ADGRL2: variants seen among roughly 807,000 people sequenced by gnomAD.
ADGRL2 encodes adhesion G protein-coupled receptor L2.
In ADGRL2, 44 loss-of-function variants were observed where a neutral mutation model predicts 157.4. That is an observed-to-expected ratio of 0.28 (90% CI 0.22 to 0.36). The LOEUF (loss-of-function observed/expected upper bound fraction) is 0.36, where lower values mean the gene tolerates loss of function less well. Among genes scored for constraint, ADGRL2 ranks in the 10% least tolerant of loss-of-function variants. The pLI, the probability that ADGRL2 is intolerant of heterozygous loss-of-function variation, is 1.00. For missense variants in ADGRL2, 1,510 were observed against 1,768.9 expected (o/e 0.85, Z 2.63); for synonymous variants, 585 against 624.7 (o/e 0.94, Z 0.95).
intron 1 of ADGRL2, among the ~76,000 whole-genome samples, chr1:81,432,816 G>A (rs1412132326): frequency 6.6e-6 from 1 of 152,132 alleles, no homozygotes; most frequent in African/African-American, 2.4e-5. Flanking sequence ...TCCCTTGGAA[G>A]GCTTGGGGCG....
At chr1:81,654,230 G>A (rs968786633) in intron 3 of ADGRL2, among the ~76,000 whole-genome samples, 1 of 152,206 alleles carries the variant, frequency 6.6e-6, no homozygotes, top group South Asian at 2.1e-4. Flanking sequence ...ACAGGCGTGA[G>A]CCACCACACC....
At chr1:81,446,382 C>T (rs562280685) in intron 2 of ADGRL2, among the ~76,000 whole-genome samples, 34 of 152,272 alleles carry the variant, frequency 2.2e-4, no homozygotes, top group Middle Eastern at 3.4e-3. Context: ...ACAGTTCTTC[C>T]AGATCACAAA....
chr1:81,952,736 C>CT lies in ADGRL2; in HGVS notation c.1795-241dup, dbSNP rs11340252. 1.4e-4 allele frequency among the ~76,000 whole-genome samples: 21 copies of CT among 149,412 alleles called. No individual in the cohort carries two copies. In the South Asian group the frequency reaches 1.7e-3, roughly 12 times the overall value. On this transcript the variant is annotated intron_variant, in intron 9 of 23. Coordinates refer to ENST00000686636, the MANE Select transcript of ADGRL2 (RefSeq NM_001366006.2). The stretch of plus-strand genomic sequence containing the variant: ...TGGTTCTACCTGGTTAAAAAATTGA[C>CT]TTTTTTTTTTACTGCAGTATATATT...
intron 3 of ADGRL2, among the ~76,000 whole-genome samples, chr1:81,593,311 G>A (rs530490962): frequency 3.9e-5 from 6 of 152,236 alleles, no homozygotes; most frequent in African/African-American, 1.4e-4. Context: ...CCCTAGAGAC[G>A]AGCTGCTTCA....
chr1:81,640,894 AC>A (rs2082206980), intron 3 of ADGRL2, among the ~76,000 whole-genome samples: 1 of 152,172 alleles, frequency 6.6e-6, no homozygotes, highest in African/African-American at 2.4e-5. Flanking sequence ...TTTAGTCCTT[AC>A]AAAAAAACAG....
At chr1:81,739,391 C>G (rs2149215816) in intron 1 of ADGRL2, among the ~76,000 whole-genome samples, 1 of 152,258 alleles carries the variant, frequency 6.6e-6, no homozygotes, top group East Asian at 1.9e-4. Context: ...AGTAATTGCC[C>G]AATAAATTAT....
intron 17 of ADGRL2, among the ~76,000 whole-genome samples, chr1:81,976,961 T>G (rs1660353648): frequency 6.6e-6 from 1 of 151,926 alleles, no homozygotes; most frequent in Non-Finnish European, 1.5e-5. Flanking sequence ...TGGATTACTT[T>G]TTATAGAAAT....
At chr1:81,308,506 G>A (rs779391455) in intron 1 of ADGRL2, among the ~76,000 whole-genome samples, 12 of 152,050 alleles carry the variant, frequency 7.9e-5, no homozygotes, top group African/African-American at 1.2e-4. Flanking sequence ...ACAAAGGAAC[G>A]CCATGTAATA....
intron 2 of ADGRL2, among the ~76,000 whole-genome samples, chr1:81,520,103 G>A (rs1221156914): frequency 6.6e-6 from 1 of 152,172 alleles, no homozygotes; most frequent in Admixed American, 6.5e-5. Flanking sequence ...GGATCATGAA[G>A]GGATTAGAAG....
chr1:81,747,717 G>T (rs1465142914), intron 1 of ADGRL2, among the ~76,000 whole-genome samples: 3 of 151,820 alleles, frequency 2.0e-5, no homozygotes, highest in African/African-American at 4.8e-5. Flanking sequence ...GTGTGTGTGT[G>T]TGTGTGTGTG....
intron 2 of ADGRL2, among the ~76,000 whole-genome samples, chr1:81,534,785 C>A (rs898868221): frequency 6.6e-6 from 1 of 152,158 alleles, no homozygotes; most frequent in Non-Finnish European, 1.5e-5. Context: ...CTGAGAGACA[C>A]CTTGCATGGC....
At chr1:81,528,432 G>A (rs1482061252) in intron 2 of ADGRL2, among the ~76,000 whole-genome samples, 2 of 151,988 alleles carry the variant, frequency 1.3e-5, no homozygotes, top group Non-Finnish European at 2.9e-5. Context: ...GGATTCAGGA[G>A]GTCAGGAGAT....
chr1:81,835,596 A>T (rs2092235407), intron 1 of ADGRL2, among the ~76,000 whole-genome samples: 2 of 152,006 alleles, frequency 1.3e-5, no homozygotes, highest in African/African-American at 4.8e-5. Flanking sequence ...TTAATTTTGG[A>T]TACATCATTC....
chr1:81,480,460 C>T (rs879268367), intron 2 of ADGRL2, among the ~76,000 whole-genome samples: 20 of 152,076 alleles, frequency 1.3e-4, no homozygotes, highest in Admixed American at 1.3e-4. Flanking sequence ...TTTGACAGTT[C>T]GTCCTGAAGC....
rs78410946 is a variant in ADGRL2 at position 81,454,254 on chromosome 1, T to A, written c.-248+9165T>A. Among the ~76,000 whole-genome samples the A allele has an allele frequency of 9.4e-3, 1,424 of 152,218 alleles. 35 individuals carry two copies. The highest frequency in any genetic ancestry group is 0.057 in the Admixed American group (869 of 15,276). ...CTTGTGACTTAATCTTATTAAAACC[T>A]TGTCATGCAAATGTAGCGTGAAGAT... On this transcript the variant is annotated intron_variant, in intron 2 of 24. Transcript: ENST00000370721.
At chr1:81,335,346 A>C (rs1661558805) in intron 1 of ADGRL2, among the ~76,000 whole-genome samples, 1 of 152,210 alleles carries the variant, frequency 6.6e-6, no homozygotes. Flanking sequence ...ATTTAAAATC[A>C]TATTGCCAGA....
chr1:81,894,552 T>C (rs1409002505), intron 2 of ADGRL2, among the ~76,000 whole-genome samples: 3 of 152,156 alleles, frequency 2.0e-5, no homozygotes, highest in Non-Finnish European at 4.4e-5. Context: ...TCTTCAGTTA[T>C]TAAAAAAGAG....
At chr1:81,527,704 T>C (rs2079496046) in intron 2 of ADGRL2, among the ~76,000 whole-genome samples, 1 of 149,296 alleles carries the variant, frequency 6.7e-6, no homozygotes, top group African/African-American at 2.5e-5. Context: ...AGAGCAAAAC[T>C]CTGCCTCAAA....
At chr1:81,549,204 T>A (rs1269454951) in intron 2 of ADGRL2, among the ~76,000 whole-genome samples, 1 of 152,208 alleles carries the variant, frequency 6.6e-6, no homozygotes, top group Non-Finnish European at 1.5e-5. Context: ...ATCAGTTACC[T>A]ACTGAAGCCA....
Sources: allele counts gnomAD v4.1 joint callset (sites outside exome capture counted in the v4.1 genomes callset), GRCh38; gene constraint gnomAD v4.1.1; transcripts MANE v1.5; gene names NCBI Gene and HGNC (gene_info 2026-07-23, HGNC 2026-07-21).